The following CNIH3 variants were observed in gnomAD, a reference collection of about 807,000 sequenced individuals.
CNIH3 encodes the protein protein cornichon homolog 3.
A neutral mutation model predicts 24.1 loss-of-function variants in CNIH3; 14 were observed. That is an observed-to-expected ratio of 0.58 (90% CI 0.38 to 0.91). The LOEUF is 0.91. Among genes scored for constraint, CNIH3 ranks in the 40% least tolerant of loss-of-function variants. The pLI is 0.00. For synonymous variants in CNIH3, 68 were observed against 73.8 expected (o/e 0.92, Z 0.40); for missense variants, 178 against 196.8 (o/e 0.90, Z 0.57).
At position 224,739,685 on chromosome 1, in the gene CNIH3, T is replaced by G. The variant is rs952891003; in HGVS notation, c.*329T>G. The stretch of plus-strand genomic sequence containing the variant: ...AGAATTGCTGCTTCCTGAATCCACT[T>G]CATTGAACAGCACCTTGCAAGTTCA... On this transcript the variant is annotated 3_prime_UTR_variant, in exon 6 of 6. Coordinates refer to ENST00000272133, the MANE Select transcript of CNIH3 (RefSeq NM_152495.2). The G allele has an allele frequency of 2.2e-5, 9 of 416,086 alleles. No individual in the cohort carries two copies. The highest frequency in any genetic ancestry group is 3.4e-5 in the Non-Finnish European group (8 of 237,580). The allele number at this position is 416,086 out of a possible 1,614,324, so 25.8% of individuals were successfully genotyped here.
intron 1 of CNIH3, among the ~76,000 whole-genome samples, chr1:224,451,710 A>C (rs1159710958): frequency 6.6e-6 from 1 of 152,208 alleles, no homozygotes. Context: ...GCCCAGGGGA[A>C]GAAAATAGGT....
chr1:224,518,524 G>C (rs925978620), intron 1 of CNIH3, among the ~76,000 whole-genome samples: 24 of 151,612 alleles, frequency 1.6e-4, no homozygotes, highest in Non-Finnish European at 2.8e-4. Context: ...TAGAGACAGG[G>C]TCTTGCTATG....
intron 4 of CNIH3, among the ~76,000 whole-genome samples, chr1:224,577,579 G>A (rs1681089240): frequency 6.6e-6 from 1 of 152,168 alleles, no homozygotes; most frequent in Non-Finnish European, 1.5e-5. Flanking sequence ...TGGCATGGAT[G>A]TGGTGAAAGG....
chr1:224,675,020 A>G (rs1686070605), intron 1 of CNIH3, among the ~76,000 whole-genome samples: 1 of 152,056 alleles, frequency 6.6e-6, no homozygotes, highest in Admixed American at 6.6e-5. Context: ...CAAGGACCTC[A>G]GTTATGCCTC....
chr1:224,446,212 G>GTTTTTTTTTTTTTTTTTTTTTTTT (rs35812016), intron 1 of CNIH3, among the ~76,000 whole-genome samples: 6 of 108,876 alleles, frequency 5.5e-5, no homozygotes, highest in South Asian at 3.2e-4. Flanking sequence ...TTTCAACTTT[G>GTTTTTTTTTTTTTTTTTTTTTTTT]TTTTTTTTTT....
At chr1:224,562,886 C>G (rs1202193000) in intron 3 of CNIH3, among the ~76,000 whole-genome samples, 1 of 152,158 alleles carries the variant, frequency 6.6e-6, no homozygotes, top group African/African-American at 2.4e-5. Flanking sequence ...GTTGGAGAGT[C>G]CTGATTAAAA....
intron 1 of CNIH3, among the ~76,000 whole-genome samples, chr1:224,442,226 G>A (rs976880677): frequency 1.3e-5 from 2 of 152,004 alleles, no homozygotes; most frequent in African/African-American, 2.4e-5. Flanking sequence ...GCCCAGGCTG[G>A]TCTTGAACTC....
chr1:224,682,026 T>G (rs1489561884), intron 2 of CNIH3, among the ~76,000 whole-genome samples: 1 of 152,078 alleles, frequency 6.6e-6, no homozygotes, highest in Non-Finnish European at 1.5e-5. Flanking sequence ...GATACCGTCT[T>G]AGCTTGGAAT....
intron 1 of CNIH3, among the ~76,000 whole-genome samples, chr1:224,676,155 A>G (rs1315653277): frequency 2.0e-5 from 3 of 152,256 alleles, no homozygotes; most frequent in Non-Finnish European, 2.9e-5. Flanking sequence ...ACTACTTGGC[A>G]GTAAAAGGGA....
intron 1 of CNIH3, among the ~76,000 whole-genome samples, chr1:224,464,088 C>A (rs903610261): frequency 6.6e-6 from 1 of 151,940 alleles, no homozygotes; most frequent in South Asian, 2.1e-4. Context: ...CGCGCTCGAC[C>A]TGGATTGTCT....
intron 1 of CNIH3, among the ~76,000 whole-genome samples, chr1:224,644,707 T>C (rs554474446): frequency 6.6e-6 from 1 of 152,358 alleles, no homozygotes; most frequent in East Asian, 1.9e-4. Context: ...AATTTTTTTC[T>C]TCCACCAAGC....
chr1:224,587,945 A>T (rs1349743329), intron 5 of CNIH3, among the ~76,000 whole-genome samples: 1 of 82,208 alleles, frequency 1.2e-5, no homozygotes, highest in Admixed American at 1.6e-4. Flanking sequence ...TGTTTCCATT[A>T]AAAAAAAAAA....
intron 1 of CNIH3, among the ~76,000 whole-genome samples, chr1:224,679,628 A>G (rs1199475210): frequency 6.6e-6 from 1 of 152,266 alleles, no homozygotes; most frequent in Non-Finnish European, 1.5e-5. Flanking sequence ...GGGATGATAT[A>G]GAAATGTGTT....
chr1:224,506,777 C>T, intron 1 of CNIH3, among the ~76,000 whole-genome samples: 1 of 151,974 alleles, frequency 6.6e-6, no homozygotes, highest in East Asian at 1.9e-4. Context: ...CAGAACTGGA[C>T]TAGAGAGAAA....
At chr1:224,688,069 G>A (rs1265357655) in intron 3 of CNIH3, among the ~76,000 whole-genome samples, 2 of 152,194 alleles carry the variant, frequency 1.3e-5, no homozygotes, top group Admixed American at 6.5e-5. Flanking sequence ...ACCTGTAGAT[G>A]TTAGGACCTT....
intron 1 of CNIH3, among the ~76,000 whole-genome samples, chr1:224,507,177 A>G (rs918169245): frequency 1.3e-5 from 2 of 152,118 alleles, no homozygotes; most frequent in Admixed American, 1.3e-4. Flanking sequence ...CAGTTCTTAT[A>G]AACGTATCAA....
chr1:224,583,229 T>C (rs1279846851), exon 5 of CNIH3: 1 of 152,282 alleles, frequency 6.6e-6, no homozygotes. Context: ...GACAGAGTCG[T>C]GAGTGACCAC....
At chr1:224,460,492 CTTT>C in intron 1 of CNIH3, among the ~76,000 whole-genome samples, 1 of 152,312 alleles carries the variant, frequency 6.6e-6, no homozygotes, top group Non-Finnish European at 1.5e-5. Context: ...ACGTGCTCTT[CTTT>C]TGTCTGTCTT....
At chr1:224,457,430 A>G (rs1675722217) in intron 1 of CNIH3, among the ~76,000 whole-genome samples, 1 of 151,248 alleles carries the variant, frequency 6.6e-6, no homozygotes, top group South Asian at 2.1e-4. Context: ...TACATTTCCC[A>G]TGTAAAATTT....
Sources: allele counts gnomAD v4.1 joint callset (sites outside exome capture counted in the v4.1 genomes callset), GRCh38; gene constraint gnomAD v4.1.1; transcripts MANE v1.5; gene names NCBI Gene and HGNC (gene_info 2026-07-23, HGNC 2026-07-21).